Variants in KATNAL2 observed in about 807,000 individuals in gnomAD.
KATNAL2 encodes the protein katanin catalytic subunit A1 like 2, also known as katanin p60 ATPase-containing subunit A-like 2.
KATNAL2 carries 52 observed loss-of-function variants against 76.3 expected under a neutral mutation model. The ratio of observed to expected loss-of-function variants is 0.68; its 90% CI spans 0.55 to 0.86. The LOEUF is 0.86. Among genes scored for constraint, KATNAL2 ranks in the 40% least tolerant of loss-of-function variants. The pLI is 0.00. For synonymous variants in KATNAL2, 243 were observed against 244.2 expected (o/e 1.00, Z 0.05); for missense variants, 660 against 668.9 (o/e 0.99, Z 0.15).
At chr18:47,065,652 AAAAC>A (rs569920331) in intron 10 of KATNAL2, among the ~76,000 whole-genome samples, 10 of 151,968 alleles carry the variant, frequency 6.6e-5, no homozygotes, top group East Asian at 1.9e-4. Context: ...CATCTCAGAA[AAAAC>A]AAACAAACAA....
intron 3 of KATNAL2, among the ~76,000 whole-genome samples, chr18:47,031,693 G>A (rs1426478477): frequency 1.3e-5 from 2 of 152,122 alleles, no homozygotes; most frequent in East Asian, 1.9e-4. Flanking sequence ...TGGTCGTCCT[G>A]GTCTTTAACT....
chr18:46,955,141 T>C (rs999463502), intron 3 of KATNAL2, among the ~76,000 whole-genome samples: 1 of 16,378 alleles, frequency 6.1e-5, no homozygotes. Context: ...TTTCTCTCTC[T>C]CTTTCTTTCT....
intron 1 of KATNAL2, among the ~76,000 whole-genome samples, chr18:46,921,055 G>A (rs763221839): frequency 1.4e-4 from 21 of 152,266 alleles, no homozygotes; most frequent in South Asian, 4.1e-4. Context: ...TCTTAAAATG[G>A]CTCCAAATTA....
intron 3 of KATNAL2, among the ~76,000 whole-genome samples, chr18:46,959,855 G>A (rs1419330006): frequency 6.6e-6 from 1 of 152,172 alleles, no homozygotes; most frequent in Non-Finnish European, 1.5e-5. Context: ...GGTTACAGGT[G>A]TGAGCCACCA....
At chr18:47,074,319 A>C (rs2062113205) in intron 13 of KATNAL2, among the ~76,000 whole-genome samples, 1 of 152,160 alleles carries the variant, frequency 6.6e-6, no homozygotes, top group Admixed American at 6.5e-5. Flanking sequence ...GGAGACCTGT[A>C]AGGGATGAGC....
Position 47,059,634 on chromosome 18 carries a change from G to T in KATNAL2, c.529G>T (p.Glu177Ter). The T allele has an allele frequency of 6.2e-7, 1 of 1,612,908 alleles. No individual in the cohort carries two copies. ...AAGAATCCGTAAAGACAGTGGAGAG[G>T]AAAATGCCCACCCACGAAGAGTAAG... is the stretch of plus-strand genomic sequence containing the variant. Reference protein sequence around the residue: ...ISRIRKDSGEENAHPRRGQII... With the variant: ...ISRIRKDSGE Residue 177 changes from glutamate to a stop codon, truncating the protein, a stop_gained, in exon 8 of 18, where the codon GAA becomes TAA. Transcript: ENST00000683218. LOFTEE classifies it high-confidence loss of function.
intron 1 of KATNAL2, among the ~76,000 whole-genome samples, chr18:46,926,929 A>G (rs1177647307): frequency 6.6e-6 from 1 of 151,674 alleles, no homozygotes; most frequent in Non-Finnish European, 1.5e-5. Context: ...TCTGTTTTCC[A>G]TTTGCTTGGT....
chr18:47,062,895 G>A (rs1370769198), intron 8 of KATNAL2, 77 bp from the exon 9 acceptor site: 3 of 1,155,650 alleles, frequency 2.6e-6, no homozygotes, highest in Non-Finnish European at 3.8e-6. Flanking sequence ...AATGTGTCTT[G>A]GTTTAATGAA....
chr18:46,946,494 G>A lies in KATNAL2; in HGVS notation c.-72G>A, dbSNP rs1411682895. On this transcript the variant is annotated 5_prime_UTR_variant, in exon 2 of 18. Transcript: ENST00000683218. ...TCAAAATATAGTCTTGGGTATAGAA[G>A]CATTGGGTCGCAAAGACCTGAACAA... 10 of 985,350 alleles carry A rather than the reference G, an allele frequency of 1.0e-5. No homozygotes were observed. The highest frequency in any genetic ancestry group is 2.3e-4 in the East Asian group (2 of 8,834). The allele number at this position is 985,350 out of a possible 1,614,324, so 61.0% of individuals were successfully genotyped here.
intron 3 of KATNAL2, among the ~76,000 whole-genome samples, chr18:47,036,459 T>C (rs936006530): frequency 6.6e-6 from 1 of 152,244 alleles, no homozygotes; most frequent in South Asian, 2.1e-4. Flanking sequence ...TGGTCCTCTC[T>C]GTCTTTGACT....
chr18:47,073,989 C>T (rs1031407186), intron 13 of KATNAL2, among the ~76,000 whole-genome samples: 2 of 152,116 alleles, frequency 1.3e-5, no homozygotes, highest in African/African-American at 2.4e-5. Context: ...AAAACATGTA[C>T]GGGTTTTATA....
At chr18:47,095,673 G>A (rs1019008529) in intron 15 of KATNAL2, among the ~76,000 whole-genome samples, 5 of 152,162 alleles carry the variant, frequency 3.3e-5, no homozygotes, top group East Asian at 1.9e-4. Flanking sequence ...GAACATCCTT[G>A]GGTATGAAGG....
intron 3 of KATNAL2, among the ~76,000 whole-genome samples, chr18:47,041,609 G>A (rs1482578410): frequency 1.3e-5 from 2 of 152,012 alleles, no homozygotes; most frequent in Non-Finnish European, 2.9e-5. Context: ...CCTACTGAAC[G>A]ACATCTTGGT....
At chr18:46,939,603 C>A (rs2059189637) in intron 1 of KATNAL2, among the ~76,000 whole-genome samples, 1 of 152,114 alleles carries the variant, frequency 6.6e-6, no homozygotes, top group Non-Finnish European at 1.5e-5. Flanking sequence ...CTATTCATAT[C>A]TGAGATCTTG....
intron 15 of KATNAL2, among the ~76,000 whole-genome samples, chr18:47,094,365 T>C (rs2063137966): frequency 6.6e-6 from 1 of 152,246 alleles, no homozygotes; most frequent in South Asian, 2.1e-4. Flanking sequence ...TCTTCTTGTT[T>C]CATGGCAATA....
intron 16 of KATNAL2, among the ~76,000 whole-genome samples, chr18:47,099,708 G>C (rs1036304377): frequency 1.3e-5 from 2 of 152,122 alleles, no homozygotes; most frequent in Admixed American, 6.5e-5. Context: ...CTTACTCTTT[G>C]AGCCTGTTTC....
chr18:47,099,235 G>C lies in KATNAL2; in HGVS notation c.1212-8G>C. ...CCCTGTCCAGCTCCATTTCTGGTGTGATTTCAGGGAGCTGGACTGTGCCAT... is the reference window on the plus strand; with the variant it reads ...CCCTGTCCAGCTCCATTTCTGGTGTCATTTCAGGGAGCTGGACTGTGCCAT... On this transcript the variant is annotated splice_region_variant and splice_polypyrimidine_tract_variant and intron_variant, in intron 15 of 17. Coordinates refer to ENST00000683218, the MANE Select transcript of KATNAL2 (RefSeq NM_001387690.1). 6.2e-7 allele frequency: 1 copy of C among 1,604,508 alleles called. No individual in the cohort carries two copies. The highest frequency in any genetic ancestry group is 8.5e-7 in the Non-Finnish European group (1 of 1,174,466).
At chr18:47,082,901 G>A (rs546753442) in intron 15 of KATNAL2, among the ~76,000 whole-genome samples, 3 of 152,270 alleles carry the variant, frequency 2.0e-5, no homozygotes, top group Admixed American at 2.0e-4. Flanking sequence ...ATTCCCACTA[G>A]TGTCCTGCTT....
chr18:47,063,036 C>T lies in KATNAL2; in HGVS notation c.614C>T (p.Ala205Val), dbSNP rs1305183715. ...ATCAAGGGAGCAACCAGTGAACTTG[C>T]CTTGAACACCTTCGACCATAATCCA... ...DAIKGATSELALNTFDHNPDP... is the reference protein window; with the variant it reads ...DAIKGATSELVLNTFDHNPDP... Residue 205 changes from alanine to valine, a missense_variant, in exon 9 of 18, where the codon GCC (alanine) becomes GTC (valine). Ala to Val is a moderately conservative substitution (Grantham distance 64). Transcript: ENST00000683218. The T allele has an allele frequency of 6.2e-7, 1 of 1,614,006 alleles. No homozygotes were observed. The highest frequency in any genetic ancestry group is 8.5e-7 in the Non-Finnish European group (1 of 1,180,006).
Sources: allele counts gnomAD v4.1 joint callset (sites outside exome capture counted in the v4.1 genomes callset), GRCh38; gene constraint gnomAD v4.1.1; transcripts MANE v1.5; gene names NCBI Gene and HGNC (gene_info 2026-07-23, HGNC 2026-07-21).